Variants in NMNAT1 observed in about 807,000 individuals in gnomAD.
The protein encoded by NMNAT1 is nicotinamide/nicotinic acid mononucleotide adenylyltransferase 1.
A neutral mutation model predicts 16.7 loss-of-function variants in NMNAT1; 11 were observed. That is an observed-to-expected ratio of 0.66 (90% confidence interval 0.41 to 1.09). The LOEUF (loss-of-function observed/expected upper bound fraction) is 1.09. Among genes scored for constraint, NMNAT1 ranks in the 50% least tolerant of loss-of-function variants. The pLI, the probability that NMNAT1 is intolerant of heterozygous loss-of-function variation, is 0.00. For missense variants in NMNAT1, 280 were observed against 332.3 expected (o/e 0.84, Z 1.22); for synonymous variants, 110 against 119.8 (o/e 0.92, Z 0.53).
At chr1:9,974,685 G>T (rs963029887) in intron 2 of NMNAT1, among the ~76,000 whole-genome samples, 7 of 152,052 alleles carry the variant, frequency 4.6e-5, no homozygotes, top group Non-Finnish European at 7.4e-5. Context: ...ACCGCGCCTG[G>T]CCTAATTTTT....
intron 2 of NMNAT1, among the ~76,000 whole-genome samples, chr1:9,975,258 T>C (rs1021120781): frequency 4.6e-5 from 7 of 152,134 alleles, no homozygotes; most frequent in Admixed American, 2.0e-4. Flanking sequence ...CCCAGCACTT[T>C]GGGAGGCTGA....
chr1:9,987,483 C>T (rs1290921246), downstream of NMNAT1, among the ~76,000 whole-genome samples: 2 of 151,462 alleles, frequency 1.3e-5, no homozygotes, highest in African/African-American at 2.4e-5. Flanking sequence ...ACTAAAAATA[C>T]AAAAAATTAT....
chr1:9,970,664 G>A (rs1334713045), intron 1 of NMNAT1, among the ~76,000 whole-genome samples: 1 of 151,404 alleles, frequency 6.6e-6, no homozygotes, highest in East Asian at 1.9e-4. Flanking sequence ...ACTCCAGCCT[G>A]GGCAACAGAG....
intron 1 of NMNAT1, among the ~76,000 whole-genome samples, chr1:9,956,941 A>G (rs1369796990): frequency 2.0e-5 from 3 of 151,672 alleles, no homozygotes; most frequent in Non-Finnish European, 2.9e-5. Flanking sequence ...CATGTTGGTC[A>G]TGCTGGTCTC....
chr1:9,977,011 G>A (rs1402231240), intron 3 of NMNAT1, among the ~76,000 whole-genome samples: 6 of 148,316 alleles, frequency 4.0e-5, no homozygotes, highest in Non-Finnish European at 9.0e-5. Context: ...GGTTCAAGCC[G>A]TTCCCCTGCC....
At chr1:9,957,896 C>T (rs376415658) in intron 1 of NMNAT1, among the ~76,000 whole-genome samples, 2 of 152,098 alleles carry the variant, frequency 1.3e-5, no homozygotes, top group African/African-American at 4.8e-5. Flanking sequence ...TCAGGTCGGG[C>T]GTGCCTGTCA....
At chr1:9,968,661 C>T (rs1218736172) in intron 1 of NMNAT1, among the ~76,000 whole-genome samples, 2 of 149,226 alleles carry the variant, frequency 1.3e-5, no homozygotes, top group African/African-American at 4.9e-5. Context: ...GTCCCAGCTA[C>T]TCGGGAGGCT....
Position 9,972,143 on chromosome 1 carries a change from C to T in NMNAT1, c.70C>T (p.His24Tyr). The stretch of plus-strand genomic sequence containing the variant: ...TTCATTCAATCCCATCACCAACATG[C>T]ACCTCAGGTTGTTTGAGCTGGCCAA... ...CGSFNPITNM[H>Y]LRLFELAKDY... The change falls in exon 2 of 5, where the codon CAC (histidine) becomes TAC (tyrosine). Residue 24 changes from histidine (H) to tyrosine (Y), a missense_variant. His to Tyr is a moderately conservative substitution (Grantham distance 83, BLOSUM62 2). Coordinates refer to ENST00000377205, the MANE Select transcript of NMNAT1 (RefSeq NM_022787.4). The T allele has an allele frequency of 1.2e-6, 2 of 1,612,474 alleles. No homozygotes were observed. The highest frequency in any genetic ancestry group is 1.7e-6 in the Non-Finnish European group (2 of 1,178,638).
chr1:9,944,111 G>A (rs573759249), intron 1 of NMNAT1, among the ~76,000 whole-genome samples: 1 of 152,146 alleles, frequency 6.6e-6, no homozygotes, highest in Admixed American at 6.6e-5. Context: ...AAAATTAGCT[G>A]GGCGTGGTGG....
intron 1 of NMNAT1, among the ~76,000 whole-genome samples, chr1:9,963,035 C>G (rs534534945): frequency 1.3e-5 from 2 of 151,894 alleles, no homozygotes; most frequent in African/African-American, 4.8e-5. Flanking sequence ...CCTGTTGTCA[C>G]TCCTTTGCTC....
At chr1:9,952,128 C>G (rs1183211738) in intron 1 of NMNAT1, among the ~76,000 whole-genome samples, 3 of 151,766 alleles carry the variant, frequency 2.0e-5, no homozygotes, top group Non-Finnish European at 2.9e-5. Context: ...GAAACCCCAT[C>G]TCTACTAAAA....
the NMNAT1 span, among the ~76,000 whole-genome samples, chr1:9,996,066 C>T: frequency 6.6e-6 from 1 of 152,036 alleles, no homozygotes; most frequent in Non-Finnish European, 1.5e-5. Flanking sequence ...AATCCCAGCA[C>T]TTTGGGAGGC....
intron 1 of NMNAT1, among the ~76,000 whole-genome samples, chr1:9,961,427 G>A (rs1045324361): frequency 6.6e-6 from 1 of 152,146 alleles, no homozygotes; most frequent in Admixed American, 6.6e-5. Flanking sequence ...ACCAGTCTTT[G>A]AGAGCATGCT....
chr1:9,973,290 A>T lies in NMNAT1; in HGVS notation c.115+1102A>T, dbSNP rs1408009090. Among the ~76,000 whole-genome samples, 8 of 151,944 alleles carry T rather than the reference A, an allele frequency of 5.3e-5. No individual in the cohort carries two copies. In the South Asian group the frequency reaches 1.0e-3, roughly 20 times the overall value. The stretch of plus-strand genomic sequence containing the variant: ...TGCCACCACGCCCGGCTAATTTTTT[A>T]TATTTTTAGTAGCGACGGGGTTTCT... On this transcript the variant is annotated intron_variant, in intron 2 of 4. Transcript: ENST00000377205.
chr1:9,962,688 T>G (rs907652585), intron 1 of NMNAT1, among the ~76,000 whole-genome samples: 10 of 132,662 alleles, frequency 7.5e-5, no homozygotes, highest in East Asian at 4.5e-4. Flanking sequence ...TTTTTTTTTT[T>G]TTTTTTTTTT....
Position 9,984,431 on chromosome 1 carries a change from C to G in NMNAT1, c.*1730C>G, listed in dbSNP as rs529291490. On this transcript the variant is annotated 3_prime_UTR_variant, in exon 5 of 5. Transcript: ENST00000377205. ...CAGAGAACAAGCTTGGCTTTTTCTC[C>G]CAACGCCGAGGATGCTGTTGATGCT... is the stretch of plus-strand genomic sequence containing the variant. The G allele has an allele frequency of 6.6e-6, 1 of 152,112 alleles. No individual in the cohort carries two copies. The highest frequency in any genetic ancestry group is 2.1e-4 in the South Asian group (1 of 4,820). 9.4% of individuals were successfully genotyped at this position (152,112 alleles called of 1,614,324 possible). A position where few individuals can be genotyped will look rare whatever the true frequency, so the allele number is the denominator to read the frequency against.
chr1:9,979,218 A>T (rs1367936130), intron 3 of NMNAT1, among the ~76,000 whole-genome samples: 4 of 152,192 alleles, frequency 2.6e-5, no homozygotes, highest in African/African-American at 9.6e-5. Flanking sequence ...CTATAGTCCC[A>T]GCACTTTGGG....
At chr1:9,975,060 GAGAT>G (rs977375779) in intron 2 of NMNAT1, among the ~76,000 whole-genome samples, 14 of 152,140 alleles carry the variant, frequency 9.2e-5, no homozygotes, top group African/African-American at 2.2e-4. Context: ...GAAAATTCTG[GAGAT>G]AGATAGGAGC....
chr1:9,982,943 T>C lies in NMNAT1; in HGVS notation c.*242T>C. 1 of 339,170 alleles carries C rather than the reference T, an allele frequency of 2.9e-6. No homozygotes were observed. Among genetic ancestry groups the C allele is most frequent in the South Asian group, 3.3e-5 (1 of 30,442 alleles). 21.0% of individuals were successfully genotyped at this position (339,170 alleles called of 1,614,324 possible). A position where few individuals can be genotyped will look rare whatever the true frequency, so the allele number is the denominator to read the frequency against. On this transcript the variant is annotated 3_prime_UTR_variant, in exon 5 of 5. Coordinates refer to ENST00000377205, the MANE Select transcript of NMNAT1 (RefSeq NM_022787.4). ...CAATATGGTGAAACCCCATCTCTAC[T>C]AAAAATACAAAAATTAGCTGTGTGT...
Sources: gnomAD v4.1 joint callset for allele counts (sites outside exome capture counted in the v4.1 genomes callset) on GRCh38, gnomAD v4.1.1 for gene constraint, MANE v1.5 for transcripts, NCBI Gene and HGNC (gene_info 2026-07-23, HGNC 2026-07-21) for gene names.